Variants in SGCD observed in about 807,000 individuals in gnomAD.
SGCD encodes sarcoglycan delta.
SGCD carries 18 observed loss-of-function variants against 36.6 expected under a neutral mutation model. The observed-to-expected ratio is 0.49, with a 90% CI of 0.34 to 0.73. The LOEUF (loss-of-function observed/expected upper bound fraction) is 0.73. Among genes scored for constraint, SGCD ranks in the 30% least tolerant of loss-of-function variants. The probability of loss-of-function intolerance (pLI) is 0.01; values close to 1 mark genes in which losing one functional copy is unlikely to be tolerated. For missense variants in SGCD, 387 were observed against 346.7 expected (o/e 1.12, Z -0.92); for synonymous variants, 133 against 130.6 (o/e 1.02, Z -0.12).
At chr5:155,879,707 A>G (rs1022879532) in intron 1 of SGCD, among the ~76,000 whole-genome samples, 2 of 152,168 alleles carry the variant, frequency 1.3e-5, no homozygotes, top group African/African-American at 4.8e-5. Flanking sequence ...TAATGAAAGT[A>G]ATTAACATAA....
At chr5:155,783,401 G>C in the SGCD span, among the ~76,000 whole-genome samples, 6,867 of 152,196 alleles carry the variant, frequency 0.045, 330 homozygotes, top group African/African-American at 0.12. Flanking sequence ...TGATTAAGTG[G>C]AACTTGCATC....
intron 1 of SGCD, among the ~76,000 whole-genome samples, chr5:155,928,470 C>T (rs371635488): frequency 6.6e-6 from 1 of 151,856 alleles, no homozygotes; most frequent in Admixed American, 6.6e-5. Flanking sequence ...GAGTTCAAGA[C>T]CAGCCTGGCT....
chr5:155,807,381 T>C, the SGCD span, among the ~76,000 whole-genome samples: 1 of 151,898 alleles, frequency 6.6e-6, no homozygotes, highest in East Asian at 2.0e-4. Flanking sequence ...CCACCTCCAG[T>C]GTCTCTGTGA....
intron 7 of SGCD, among the ~76,000 whole-genome samples, chr5:156,656,818 A>G (rs1763701118): frequency 6.6e-6 from 1 of 152,196 alleles, no homozygotes; most frequent in Admixed American, 6.6e-5. Flanking sequence ...CCAGGTTTTA[A>G]TGACAAAGCA....
At chr5:156,394,999 C>T (rs181682771) in intron 3 of SGCD, among the ~76,000 whole-genome samples, 7 of 152,288 alleles carry the variant, frequency 4.6e-5, no homozygotes, top group Non-Finnish European at 1.0e-4. Context: ...ACAGTACTGG[C>T]TGTATCTGTC....
chr5:156,175,473 C>G (rs1763444294), intron 3 of SGCD, among the ~76,000 whole-genome samples: 2 of 152,252 alleles, frequency 1.3e-5, no homozygotes, highest in South Asian at 2.1e-4. Flanking sequence ...TATTTTACCT[C>G]TTAGTCTCAT....
At chr5:155,942,642 A>G (rs1757351734) in intron 1 of SGCD, among the ~76,000 whole-genome samples, 1 of 152,340 alleles carries the variant, frequency 6.6e-6, no homozygotes, top group East Asian at 1.9e-4. Flanking sequence ...TTGGAGTTTC[A>G]ATAAAGTCAA....
chr5:156,486,436 C>T lies in SGCD; in HGVS notation c.193-22165C>T, dbSNP rs61156710. Among the ~76,000 whole-genome samples, 911 of 152,252 alleles carry T rather than the reference C, an allele frequency of 6.0e-3. 6 individuals are homozygous for T. The highest frequency in any genetic ancestry group is 0.021 in the East Asian group (106 of 5,160). On this transcript the variant is annotated intron_variant, in intron 3 of 8. Transcript: ENST00000337851. ...CTGCAGTAGCAGAGCTGTTGTGCAC[C>T]TGTACATGCCTTCAAGGGGTCTTGG...
At chr5:156,674,716 C>T (rs747699961) in intron 7 of SGCD, among the ~76,000 whole-genome samples, 3 of 152,172 alleles carry the variant, frequency 2.0e-5, no homozygotes, top group Non-Finnish European at 4.4e-5. Flanking sequence ...CCAGGAACCT[C>T]GCATTAAGTT....
the SGCD span, among the ~76,000 whole-genome samples, chr5:155,853,689 A>G: frequency 6.6e-6 from 1 of 152,188 alleles, no homozygotes; most frequent in East Asian, 1.9e-4. Context: ...ACGTTCCCAG[A>G]GGGATTGCTA....
the SGCD span, among the ~76,000 whole-genome samples, chr5:155,740,484 G>C: frequency 6.6e-6 from 1 of 152,142 alleles, no homozygotes; most frequent in Non-Finnish European, 1.5e-5. Context: ...CACTCAAACT[G>C]AAATCCTTTT....
At position 156,380,060 on chromosome 5, in the gene SGCD, C is replaced by T. The variant is rs577174019; in HGVS notation, c.192+35383C>T. 2.8e-4 allele frequency among the ~76,000 whole-genome samples: 42 copies of T among 152,162 alleles called. No homozygotes were observed. The South Asian group carries it at 8.1e-3, about 29-fold the overall frequency. ...CCAGGTCTAGAGCCCATTCAAGGCA[C>T]AGCGTTTGTGGTCTTGGGTGTTTCC... is the stretch of plus-strand genomic sequence containing the variant. On this transcript the variant is annotated intron_variant, in intron 3 of 8. Coordinates refer to ENST00000337851, the MANE Select transcript of SGCD (RefSeq NM_000337.6).
At chr5:156,446,023 G>A (rs564755036) in intron 3 of SGCD, among the ~76,000 whole-genome samples, 62 of 152,108 alleles carry the variant, frequency 4.1e-4, no homozygotes, top group African/African-American at 2.2e-4. Context: ...TATATATTCC[G>A]AAAAAGCAGG....
chr5:156,275,460 T>C (rs1422642996), intron 3 of SGCD, among the ~76,000 whole-genome samples: 1 of 152,128 alleles, frequency 6.6e-6, no homozygotes, highest in African/African-American at 2.4e-5. Flanking sequence ...AGAAACAACA[T>C]AAAATAAGTA....
chr5:156,018,311 G>GGATA (rs1759028624), intron 1 of SGCD, among the ~76,000 whole-genome samples: 1 of 151,970 alleles, frequency 6.6e-6, no homozygotes, highest in South Asian at 2.1e-4. Flanking sequence ...ACAAATATCC[G>GGATA]CTAGTGTCTG....
intron 1 of SGCD, among the ~76,000 whole-genome samples, chr5:155,957,456 G>A (rs1040944988): frequency 6.6e-6 from 1 of 152,134 alleles, no homozygotes; most frequent in Non-Finnish European, 1.5e-5. Flanking sequence ...CTGAAGGTCA[G>A]TCATCTAAAA....
chr5:155,872,385 A>ACT (rs1554101405), intron 1 of SGCD, among the ~76,000 whole-genome samples: 9 of 147,424 alleles, frequency 6.1e-5, no homozygotes, highest in African/African-American at 1.5e-4. Context: ...ACACACACAC[A>ACT]CTCTCATGGA....
intron 3 of SGCD, among the ~76,000 whole-genome samples, chr5:156,438,555 C>T (rs1753347761): frequency 6.6e-6 from 1 of 152,140 alleles, no homozygotes; most frequent in African/African-American, 2.4e-5. Flanking sequence ...TCCCACCTTT[C>T]CCAGGACACT....
chr5:156,483,887 G>A lies in SGCD; in HGVS notation c.193-24714G>A, dbSNP rs140675495. ...CAGAGCAAGTGCACTGAGCTAAATC[G>A]AGATGAAAGAGGCAATAATCTGCTG... On this transcript the variant is annotated intron_variant, in intron 3 of 8. Transcript: ENST00000337851. Among the ~76,000 whole-genome samples, 34 of 152,276 alleles carry A rather than the reference G, an allele frequency of 2.2e-4. No homozygotes were observed. The East Asian group carries it at 6.0e-3, about 27-fold the overall frequency.
Sources: allele counts gnomAD v4.1 joint callset (sites outside exome capture counted in the v4.1 genomes callset), GRCh38; gene constraint gnomAD v4.1.1; transcripts MANE v1.5; gene names NCBI Gene and HGNC (gene_info 2026-07-23, HGNC 2026-07-21).